Variants in GPC6 observed in about 807,000 individuals in gnomAD.
GPC6 encodes glypican-6.
GPC6 carries 14 observed loss-of-function variants against 55.2 expected under a neutral mutation model. That is an observed-to-expected ratio of 0.25 (90% CI 0.17 to 0.40). GPC6 has a LOEUF of 0.40. Ranked by LOEUF, GPC6 falls within the 10% of genes least tolerant of loss-of-function variation. The pLI, the probability that GPC6 is intolerant of heterozygous loss-of-function variation, is 1.00. For missense variants in GPC6, 641 were observed against 708.5 expected, an observed-to-expected ratio of 0.90 and a Z score of 1.08; for synonymous variants, 278 against 259.6, an observed-to-expected ratio of 1.07 and a Z score of -0.68.
intron 2 of GPC6, among the ~76,000 whole-genome samples, chr13:93,644,094 T>C (rs1880073326): frequency 6.6e-6 from 1 of 152,128 alleles, no homozygotes; most frequent in Non-Finnish European, 1.5e-5. Flanking sequence ...GTACATCATC[T>C]TGTACATGTT....
At chr13:94,132,029 G>A (rs773155811) in intron 4 of GPC6, among the ~76,000 whole-genome samples, 6 of 152,220 alleles carry the variant, frequency 3.9e-5, no homozygotes, top group Admixed American at 2.6e-4. Flanking sequence ...CTGTTACCTC[G>A]TTTGACCTTG....
intron 2 of GPC6, among the ~76,000 whole-genome samples, chr13:93,613,756 G>A (rs1387506056): frequency 2.0e-5 from 3 of 152,070 alleles, no homozygotes; most frequent in African/African-American, 7.2e-5. Context: ...TTTAGGGGAG[G>A]GAATGTGTTA....
chr13:94,192,872 GAC>G (rs1471952820), intron 4 of GPC6, among the ~76,000 whole-genome samples: 2 of 152,162 alleles, frequency 1.3e-5, no homozygotes, highest in African/African-American at 2.4e-5. Context: ...GAGACATGTA[GAC>G]ACTAAAGTTC....
chr13:94,067,510 A>G (rs981240159), intron 4 of GPC6, among the ~76,000 whole-genome samples: 9 of 150,380 alleles, frequency 6.0e-5, no homozygotes, highest in Non-Finnish European at 1.0e-4. Flanking sequence ...CTCTGTGTCT[A>G]TGTATAGAGA....
chr13:94,202,296 G>T (rs925981301), intron 4 of GPC6, among the ~76,000 whole-genome samples: 2 of 152,176 alleles, frequency 1.3e-5, no homozygotes, highest in East Asian at 1.9e-4. Context: ...TAAGATGCTT[G>T]TGGTACTCTG....
chr13:94,211,160 TTTG>T (rs1408694122), intron 4 of GPC6, among the ~76,000 whole-genome samples: 12 of 152,184 alleles, frequency 7.9e-5, no homozygotes, highest in African/African-American at 2.9e-4. Context: ...GTTTTGGGGT[TTTG>T]TTTTTTGTTT....
At chr13:93,654,837 A>G (rs1157689658) in intron 2 of GPC6, among the ~76,000 whole-genome samples, 4 of 135,506 alleles carry the variant, frequency 3.0e-5, no homozygotes, top group African/African-American at 1.1e-4. Flanking sequence ...ACATAACCAG[A>G]TTTTTTTTTT....
chr13:93,412,289 A>G (rs1876531451), intron 1 of GPC6, among the ~76,000 whole-genome samples: 6 of 152,322 alleles, frequency 3.9e-5, no homozygotes, highest in Admixed American at 3.3e-4. Context: ...CCTTTTCAAG[A>G]CAATAGTATT....
At chr13:93,724,741 T>A (rs1304512368) in intron 2 of GPC6, among the ~76,000 whole-genome samples, 1 of 152,020 alleles carries the variant, frequency 6.6e-6, no homozygotes, top group Non-Finnish European at 1.5e-5. Context: ...GATCACTTAC[T>A]GAGATTTATT....
At chr13:93,602,779 T>A (rs1428585486) in intron 2 of GPC6, among the ~76,000 whole-genome samples, 1 of 152,204 alleles carries the variant, frequency 6.6e-6, no homozygotes, top group African/African-American at 2.4e-5. Flanking sequence ...TCTCTTTTAC[T>A]GACAAAGTCA....
intron 1 of GPC6, among the ~76,000 whole-genome samples, chr13:93,228,618 C>T (rs973169623): frequency 2.0e-5 from 3 of 152,160 alleles, no homozygotes; most frequent in African/African-American, 4.8e-5. Context: ...GTGAATGAAA[C>T]GTGTCGGGGA....
At chr13:93,997,778 T>C (rs549859091) in intron 3 of GPC6, among the ~76,000 whole-genome samples, 1 of 152,332 alleles carries the variant, frequency 6.6e-6, no homozygotes, top group South Asian at 2.1e-4. Context: ...AAGGTAAATG[T>C]TCCATAAATG....
chr13:94,145,137 GTGGATGGA>G (rs112864050), intron 4 of GPC6, among the ~76,000 whole-genome samples: 62 of 149,990 alleles, frequency 4.1e-4, no homozygotes, highest in African/African-American at 1.3e-3. Context: ...GGATGGATGG[GTGGATGGA>G]TGGATGGATG....
At chr13:93,859,683 A>G (rs1285037254) in intron 3 of GPC6, among the ~76,000 whole-genome samples, 1 of 131,434 alleles carries the variant, frequency 7.6e-6, no homozygotes, top group Non-Finnish European at 1.6e-5. Flanking sequence ...AGCACAATTC[A>G]AGTCTTAACA....
chr13:94,224,817 C>T lies in GPC6; in HGVS notation c.878-61532C>T, dbSNP rs114310493. ...TCGAGCATCCCTAAGAACTGTTGCA[C>T]GACCTTTGTTCTTGACTGGTCCACC... is the stretch of plus-strand genomic sequence containing the variant. On this transcript the variant is annotated intron_variant, in intron 4 of 8. Coordinates refer to ENST00000377047, the MANE Select transcript of GPC6 (RefSeq NM_005708.5). Among the ~76,000 whole-genome samples, 803 of 152,238 alleles carry T rather than the reference C, an allele frequency of 5.3e-3. 13 individuals carry two copies. Among genetic ancestry groups the T allele is most frequent in the African/African-American group, 0.018 (763 of 41,544 alleles).
intron 2 of GPC6, among the ~76,000 whole-genome samples, chr13:93,597,019 A>G (rs1184499321): frequency 2.7e-5 from 4 of 149,968 alleles, no homozygotes; most frequent in African/African-American, 9.8e-5. Flanking sequence ...AAAAAAAAAA[A>G]AAAAAAAAAA....
intron 1 of GPC6, among the ~76,000 whole-genome samples, chr13:93,472,227 T>A (rs1879145200): frequency 6.6e-6 from 1 of 152,238 alleles, no homozygotes; most frequent in Admixed American, 6.5e-5. Flanking sequence ...CTTTGGGATG[T>A]TATTTTTCTG....
At chr13:93,848,006 C>T (rs1045455992) in intron 3 of GPC6, among the ~76,000 whole-genome samples, 5 of 152,060 alleles carry the variant, frequency 3.3e-5, no homozygotes, top group Non-Finnish European at 7.4e-5. Flanking sequence ...TCAAGAGAGC[C>T]CAGAATATTG....
intron 1 of GPC6, among the ~76,000 whole-genome samples, chr13:93,471,913 T>C (rs936216162): frequency 2.6e-5 from 4 of 152,336 alleles, no homozygotes; most frequent in Admixed American, 6.5e-5. Flanking sequence ...AAATTTTCAG[T>C]GCTTCTCCGT....
Sources: gnomAD v4.1 joint callset for allele counts (sites outside exome capture counted in the v4.1 genomes callset) on GRCh38, gnomAD v4.1.1 for gene constraint, MANE v1.5 for transcripts, NCBI Gene and HGNC (gene_info 2026-07-23, HGNC 2026-07-21) for gene names.